The following MPPED2 variants were observed in gnomAD, a reference collection of about 807,000 sequenced individuals.
MPPED2 encodes the protein metallophosphoesterase domain containing 2, also known as metallophosphoesterase MPPED2.
In MPPED2, 5 loss-of-function variants were observed where a neutral mutation model predicts 33.0. The ratio of observed to expected loss-of-function variants is 0.15; its 90% CI spans 0.08 to 0.32. MPPED2 has a LOEUF of 0.32. Ranked by LOEUF, MPPED2 falls within the 10% of genes least tolerant of loss-of-function variation. The pLI, the probability that MPPED2 is intolerant of heterozygous loss-of-function variation, is 1.00. For synonymous variants in MPPED2, 136 were observed against 141.9 expected, an observed-to-expected ratio of 0.96 and a Z score of 0.29; for missense variants, 275 against 372.1, an observed-to-expected ratio of 0.74 and a Z score of 2.15.
intron 3 of MPPED2, among the ~76,000 whole-genome samples, chr11:30,522,429 A>C (rs1213467736): frequency 6.6e-6 from 1 of 150,412 alleles, no homozygotes; most frequent in Non-Finnish European, 1.5e-5. Flanking sequence ...CACACCTAGA[A>C]AGAGAATAAT....
downstream of MPPED2, among the ~76,000 whole-genome samples, chr11:30,409,290 C>T (rs945798421): frequency 2.0e-5 from 3 of 152,116 alleles, no homozygotes; most frequent in Admixed American, 6.5e-5. Context: ...TTGAAGTGAA[C>T]ACCCTCTTCT....
chr11:30,529,010 A>C (rs966669509), intron 3 of MPPED2, among the ~76,000 whole-genome samples: 1 of 152,238 alleles, frequency 6.6e-6, no homozygotes, highest in African/African-American at 2.4e-5. Flanking sequence ...GATGTTCATC[A>C]CTTCAGTGCA....
chr11:30,446,460 A>G (rs142438209), intron 4 of MPPED2, among the ~76,000 whole-genome samples: 11 of 152,248 alleles, frequency 7.2e-5, no homozygotes, highest in Non-Finnish European at 1.0e-4. Flanking sequence ...TTAAAATAAT[A>G]AATTAACTCA....
intron 6 of MPPED2, among the ~76,000 whole-genome samples, chr11:30,391,027 T>C (rs763059574): frequency 2.6e-5 from 4 of 152,112 alleles, no homozygotes; most frequent in Non-Finnish European, 5.9e-5. Flanking sequence ...GGCAAAATTA[T>C]AGTGCACAGG....
chr11:30,459,513 A>G (rs1950434092), intron 4 of MPPED2, among the ~76,000 whole-genome samples: 1 of 152,184 alleles, frequency 6.6e-6, no homozygotes, highest in Non-Finnish European at 1.5e-5. Flanking sequence ...TGCAACTACA[A>G]ATGTTCAAGA....
At chr11:30,533,936 G>A (rs529957151) in intron 3 of MPPED2, among the ~76,000 whole-genome samples, 71 of 151,982 alleles carry the variant, frequency 4.7e-4, no homozygotes, top group Non-Finnish European at 1.0e-3. Flanking sequence ...AATTCCTCTG[G>A]CCTCTTCTTT....
At chr11:30,412,911 A>G (rs1210182588) in intron 6 of MPPED2, among the ~76,000 whole-genome samples, 1 of 152,340 alleles carries the variant, frequency 6.6e-6, no homozygotes, top group Non-Finnish European at 1.5e-5. Context: ...TTTCAGAATA[A>G]CAGTCCTCCA....
intron 3 of MPPED2, among the ~76,000 whole-genome samples, chr11:30,534,090 C>T (rs1278834640): frequency 6.6e-6 from 1 of 152,154 alleles, no homozygotes; most frequent in Non-Finnish European, 1.5e-5. Context: ...ATCCTTCGTC[C>T]TGCAGAGGGA....
At chr11:30,485,974 CAGAAGGGGCGGA>C (rs1460567384) in intron 4 of MPPED2, among the ~76,000 whole-genome samples, 1 of 152,122 alleles carries the variant, frequency 6.6e-6, no homozygotes, top group Non-Finnish European at 1.5e-5. Flanking sequence ...GCAGGCTCAT[CAGAAGGGGCGGA>C]AGGATGTCCT....
chr11:30,411,682 G>A (rs2133731686), intron 6 of MPPED2, 96 bp from the exon 7 acceptor site: 2 of 987,538 alleles, frequency 2.0e-6, no homozygotes, highest in African/African-American at 1.6e-5. Context: ...ATTTTTGTCA[G>A]TGGGCAGTGA....
intron 3 of MPPED2, among the ~76,000 whole-genome samples, chr11:30,524,137 C>A (rs557234694): frequency 6.6e-5 from 10 of 151,992 alleles, no homozygotes; most frequent in Non-Finnish European, 1.2e-4. Context: ...GTAATTCCAG[C>A]TACTCAGTGG....
intron 4 of MPPED2, among the ~76,000 whole-genome samples, chr11:30,462,155 A>C (rs1950537809): frequency 1.3e-5 from 2 of 152,252 alleles, no homozygotes; most frequent in Admixed American, 1.3e-4. Context: ...CAAAACTGAA[A>C]GTTCACATTG....
intron 2 of MPPED2, among the ~76,000 whole-genome samples, chr11:30,548,823 G>A (rs575001777): frequency 6.6e-6 from 1 of 152,260 alleles, no homozygotes; most frequent in Non-Finnish European, 1.5e-5. Flanking sequence ...TTAATTCCCA[G>A]GGGGACACTG....
chr11:30,575,826 G>C (rs1564913168), intron 2 of MPPED2, among the ~76,000 whole-genome samples: 1 of 152,126 alleles, frequency 6.6e-6, no homozygotes. Flanking sequence ...GACACTCCTA[G>C]GCTGTTTATA....
chr11:30,398,411 C>T (rs1025455928), intron 6 of MPPED2, among the ~76,000 whole-genome samples: 4 of 152,064 alleles, frequency 2.6e-5, no homozygotes, highest in East Asian at 1.9e-4. Flanking sequence ...TTTATTAGAT[C>T]GGGGTGAACA....
intron 2 of MPPED2, among the ~76,000 whole-genome samples, chr11:30,564,612 G>A (rs546175368): frequency 3.3e-5 from 5 of 152,212 alleles, no homozygotes; most frequent in African/African-American, 9.6e-5. Context: ...TGGAAACCAC[G>A]TTCTTAAACA....
chr11:30,514,706 G>A (rs755254271), intron 3 of MPPED2, among the ~76,000 whole-genome samples: 2 of 152,094 alleles, frequency 1.3e-5, no homozygotes, highest in African/African-American at 2.4e-5. Context: ...TGCTGCCTCT[G>A]GCAAAGATAC....
chr11:30,496,564 TTAA>T (rs1469671942), intron 3 of MPPED2, among the ~76,000 whole-genome samples: 1 of 152,178 alleles, frequency 6.6e-6, no homozygotes, highest in Non-Finnish European at 1.5e-5. Context: ...TGATGTGAAA[TTAA>T]TGTTTCCTGC....
At chr11:30,526,094 T>C (rs1051439648) in intron 3 of MPPED2, among the ~76,000 whole-genome samples, 3 of 152,208 alleles carry the variant, frequency 2.0e-5, no homozygotes, top group Non-Finnish European at 2.9e-5. Flanking sequence ...TTTATATGAA[T>C]TAGACCATGA....
Sources: allele counts gnomAD v4.1 joint callset (sites outside exome capture counted in the v4.1 genomes callset), GRCh38; gene constraint gnomAD v4.1.1; transcripts MANE v1.5; gene names NCBI Gene and HGNC (gene_info 2026-07-23, HGNC 2026-07-21).